The following GEMIN8 variants were observed in gnomAD, a reference collection of about 807,000 sequenced individuals.
The protein encoded by GEMIN8 is gem-associated protein 8.
For missense variants in GEMIN8, 185 were observed against 205.9 expected (o/e 0.90, Z 0.62); for synonymous variants, 80 against 78.5 (o/e 1.02, Z -0.10).
chrX:13,993,219 G>A, the GEMIN8 span, among the ~76,000 whole-genome samples: 17 of 111,407 alleles, frequency 1.5e-4, no homozygotes, highest in African/African-American at 4.9e-4. Flanking sequence ...GGTTTAGCAG[G>A]GAGGACCCTT....
At chrX:14,010,350 A>G (rs1317252091) in intron 4 of GEMIN8, among the ~76,000 whole-genome samples, 1 of 112,181 alleles carries the variant, frequency 8.9e-6, no homozygotes, top group African/African-American at 3.2e-5. Flanking sequence ...GCCAATTTCC[A>G]TAGCTCTTGT....
chrX:14,014,524 C>T lies in GEMIN8; in HGVS notation c.473-5355G>A, dbSNP rs760857670. The stretch of plus-strand genomic sequence containing the variant: ...TATCATCTCACTGATCGGTTTTGTG[C>T]ACCTGTGAATATCTGCACCAGATGA... On this transcript the variant is annotated intron_variant, in intron 4 of 4. Coordinates refer to ENST00000680255, the MANE Select transcript of GEMIN8 (RefSeq NM_001042479.2). 4 of 750,225 alleles carry T rather than the reference C, an allele frequency of 5.3e-6. No individual in the cohort carries two copies. In the East Asian group the frequency reaches 6.1e-4, roughly 114 times the overall value. The allele number at this position is 750,225 out of a possible 1,213,427, so 61.8% of individuals were successfully genotyped here.
chrX:13,993,031 C>T, the GEMIN8 span, among the ~76,000 whole-genome samples: 1 of 111,676 alleles, frequency 9.0e-6, no homozygotes, highest in African/African-American at 3.3e-5. Flanking sequence ...CATTTCTGCA[C>T]CATCTCTTAC....
chrX:14,027,680 C>T (rs1015114392), intron 1 of GEMIN8, among the ~76,000 whole-genome samples: 2 of 112,468 alleles, frequency 1.8e-5, no homozygotes, highest in Admixed American at 1.9e-4. Flanking sequence ...ATACAAATGA[C>T]ATTCCACCCA....
chrX:14,008,899 C>A lies in GEMIN8; in HGVS notation c.*14G>T. 8.3e-7 allele frequency: 1 copy of A among 1,204,183 alleles called. No individual in the cohort carries two copies. Among genetic ancestry groups the A allele is most frequent in the Non-Finnish European group, 1.1e-6 (1 of 889,369 alleles). ...AAAGGAAGAAGGAGAGGCTGGGTAC[C>A]CTGTGCCCTGAGCTCAGAACTTCAG... On this transcript the variant is annotated 3_prime_UTR_variant, in exon 5 of 5. Transcript: ENST00000680255.
intron 2 of GEMIN8, among the ~76,000 whole-genome samples, chrX:14,021,814 GTATATATATA>G (rs147147045): frequency 4.9e-4 from 38 of 78,279 alleles, no homozygotes; most frequent in African/African-American, 1.9e-3. Context: ...TAATGTGTGT[GTATATATATA>G]TATATATATA....
rs1038658067 is a variant in GEMIN8, at chrX:14,007,252, G to A, written c.*1661C>T. Among the ~76,000 whole-genome samples, 2 of 111,652 alleles carry A rather than the reference G, an allele frequency of 1.8e-5. No individual in the cohort carries two copies. The highest frequency in any genetic ancestry group is 1.9e-4 in the Admixed American group (2 of 10,499). Reference sequence around the variant, plus strand: ...TCTCAGGGCAGGGGCTGAATGTGAAGCCAACTGTTCTTAGAGAGAAACATG... The same window carrying A: ...TCTCAGGGCAGGGGCTGAATGTGAAACCAACTGTTCTTAGAGAGAAACATG... On this transcript the variant is annotated 3_prime_UTR_variant, in exon 5 of 5. Transcript: ENST00000680255.
downstream of GEMIN8, among the ~76,000 whole-genome samples, chrX:14,001,880 T>C (rs1922982999): frequency 9.5e-6 from 1 of 104,824 alleles, no homozygotes; most frequent in South Asian, 4.7e-4. Context: ...CCCAGCACTT[T>C]GGGAGGCCGA....
the GEMIN8 span, among the ~76,000 whole-genome samples, chrX:13,993,023 T>TTTC: frequency 7.2e-5 from 8 of 111,725 alleles, no homozygotes; most frequent in African/African-American, 2.6e-4. Flanking sequence ...GGAGTTGCCA[T>TTTC]TTCTGCACCA....
the GEMIN8 span, among the ~76,000 whole-genome samples, chrX:13,985,480 A>T: frequency 1.8e-5 from 2 of 112,112 alleles, no homozygotes; most frequent in Admixed American, 1.9e-4. Context: ...AACTCCACAG[A>T]TGATTATTAT....
chrX:14,011,516 C>CTTTTTTTTTTTTTTTTT lies in GEMIN8; in HGVS notation c.473-2364_473-2348dup, dbSNP rs575651297. ...TACCCATTACCAATCCTATGGCTCTCTTTTTTTTTTTTTTTTTTTTTTTTT... is the reference window on the plus strand; with the variant it reads ...TACCCATTACCAATCCTATGGCTCTCTTTTTTTTTTTTTTTTTTTTTTTTTTTTTTTTTTTTTTTTTT... On this transcript the variant is annotated intron_variant, in intron 4 of 4. Coordinates refer to ENST00000680255, the MANE Select transcript of GEMIN8 (RefSeq NM_001042479.2). Among the ~76,000 whole-genome samples the CTTTTTTTTTTTTTTTTT allele has an allele frequency of 3.1e-4, 19 of 60,397 alleles. 3 individuals are homozygous for CTTTTTTTTTTTTTTTTT. Among genetic ancestry groups the CTTTTTTTTTTTTTTTTT allele is most frequent in the African/African-American group, 1.3e-3 (19 of 14,409 alleles). The allele number at this position is 60,397 out of a possible 115,157, so 52.4% of individuals were successfully genotyped here.
intron 4 of GEMIN8, among the ~76,000 whole-genome samples, chrX:14,010,819 G>A (rs1923483450): frequency 8.9e-6 from 1 of 112,185 alleles, no homozygotes; most frequent in African/African-American, 3.2e-5. Context: ...TAACTCATTG[G>A]GCAATGCAGA....
In GEMIN8 at chrX:14,020,394, A is replaced by C. The variant is rs765677435; in HGVS notation, c.156T>G (p.Leu52=). Residue 52 remains leucine, a synonymous_variant, in exon 4 of 5, where the codon CTT becomes CTG. Coordinates refer to ENST00000680255, the MANE Select transcript of GEMIN8 (RefSeq NM_001042479.2). ...YRKAVESCFN[L]PWYLPSALLP... is the part of the protein sequence containing the mutation. ...GAAGCGCAGAAGGTAAGTACCATGG[A>C]AGATTGAAACAGGATTCCACGGCCT... is the stretch of plus-strand genomic sequence containing the variant. 4.1e-6 allele frequency: 5 copies of C among 1,208,783 alleles called. No individual in the cohort carries two copies. Among genetic ancestry groups the C allele is most frequent in the Non-Finnish European group, 5.6e-6 (5 of 894,003 alleles).
chrX:13,989,707 G>C, the GEMIN8 span, among the ~76,000 whole-genome samples: 1 of 112,520 alleles, frequency 8.9e-6, no homozygotes, highest in Non-Finnish European at 1.9e-5. Flanking sequence ...TCTGGGAAGA[G>C]AGGCGCCTTG....
At chrX:14,006,087 G>A (rs754113831), downstream of GEMIN8, among the ~76,000 whole-genome samples, 4 of 107,243 alleles carry the variant, frequency 3.7e-5, no homozygotes, top group African/African-American at 6.9e-5. Flanking sequence ...GGAGTGCAAT[G>A]GCGCAATCTC....
chrX:14,008,912 C>T lies in GEMIN8; in HGVS notation c.*1G>A, dbSNP rs746173409. ...GAGGCTGGGTACCCTGTGCCCTGAG[C>T]TCAGAACTTCAGGGGGATGACCGGC... is the stretch of plus-strand genomic sequence containing the variant. On this transcript the variant is annotated 3_prime_UTR_variant, in exon 5 of 5. Coordinates refer to ENST00000680255, the MANE Select transcript of GEMIN8 (RefSeq NM_001042479.2). The T allele has an allele frequency of 2.2e-5, 26 of 1,207,254 alleles. No individual in the cohort carries two copies. The highest frequency in any genetic ancestry group is 2.4e-5 in the Non-Finnish European group (21 of 892,876).
rs1396340755 is a variant in GEMIN8, at chrX:14,025,785, A to T, written c.-34+355T>A. Among the ~76,000 whole-genome samples the T allele has an allele frequency of 7.1e-5, 8 of 112,194 alleles. No individual in the cohort carries two copies. The East Asian group carries it at 2.2e-3, about 31-fold the overall frequency. ...ACCATATCAATCAGCAGGGCTTAGA[A>T]AGCAAACAGGACAGAGCTCTGAATC... On this transcript the variant is annotated intron_variant, in intron 2 of 4. Transcript: ENST00000680255.
At chrX:14,003,891 T>G (rs1209507770), downstream of GEMIN8, among the ~76,000 whole-genome samples, 1 of 112,556 alleles carries the variant, frequency 8.9e-6, no homozygotes, top group Non-Finnish European at 1.9e-5. Flanking sequence ...CATTTAACCC[T>G]AGAAATGAAG....
At chrX:14,003,182 C>T (rs971223379), downstream of GEMIN8, among the ~76,000 whole-genome samples, 2 of 112,619 alleles carry the variant, frequency 1.8e-5, no homozygotes, top group African/African-American at 6.5e-5. Flanking sequence ...GGGACTAGAC[C>T]GTAACCTCAT....
Sources: gnomAD v4.1 joint callset for allele counts (sites outside exome capture counted in the v4.1 genomes callset) on GRCh38, gnomAD v4.1.1 for gene constraint, MANE v1.5 for transcripts, NCBI Gene and HGNC (gene_info 2026-07-23, HGNC 2026-07-21) for gene names.